The following ADAMTS9 variants were observed in gnomAD, a reference collection of about 807,000 sequenced individuals.
The protein encoded by ADAMTS9 is A disintegrin and metalloproteinase with thrombospondin motifs 9.
In ADAMTS9, 107 loss-of-function variants were observed where a neutral mutation model predicts 257.1. The ratio of observed to expected loss-of-function variants is 0.42; its 90% CI spans 0.36 to 0.49. The LOEUF is 0.49. ADAMTS9 is among the 20% of genes least tolerant of loss of function. ADAMTS9 has a pLI of 0.03. For synonymous variants in ADAMTS9, 982 were observed against 880.9 expected (o/e 1.11, Z -2.03); for missense variants, 2,353 against 2,469.1 (o/e 0.95, Z 1.00).
At chr3:64,582,178 C>A (rs1433210153) in intron 28 of ADAMTS9, among the ~76,000 whole-genome samples, 1 of 152,020 alleles carries the variant, frequency 6.6e-6, no homozygotes, top group Non-Finnish European at 1.5e-5. Context: ...GCTAGAGGAG[C>A]AAAGATTTGC....
chr3:64,660,125 C>T (rs1211935942), intron 3 of ADAMTS9, among the ~76,000 whole-genome samples: 1 of 152,166 alleles, frequency 6.6e-6, no homozygotes, highest in African/African-American at 2.4e-5. Context: ...ACTTGACAAT[C>T]AGATCATAAA....
At position 64,543,602 on chromosome 3, in the gene ADAMTS9, T is replaced by C. The variant is rs534861855; in HGVS notation, c.5065-1632A>G. 7.2e-5 allele frequency among the ~76,000 whole-genome samples: 11 copies of C among 152,320 alleles called. No individual in the cohort carries two copies. In the East Asian group the frequency reaches 1.7e-3, roughly 24 times the overall value. On this transcript the variant is annotated intron_variant, in intron 32 of 39. Transcript: ENST00000498707. ...CTAAAAACTCTCAATAAATTAGGTATTGATGGGACATATCTCAAAATAATA... is the reference window on the plus strand; with the variant it reads ...CTAAAAACTCTCAATAAATTAGGTACTGATGGGACATATCTCAAAATAATA...
At chr3:64,636,659 A>G (rs145913258) in intron 12 of ADAMTS9, among the ~76,000 whole-genome samples, 114 of 152,326 alleles carry the variant, frequency 7.5e-4, no homozygotes, top group African/African-American at 2.6e-3. Flanking sequence ...TTTAAATTTT[A>G]AAGTAATTGA....
At chr3:64,663,975 C>T (rs994920110) in intron 3 of ADAMTS9, among the ~76,000 whole-genome samples, 2 of 152,152 alleles carry the variant, frequency 1.3e-5, no homozygotes, top group South Asian at 4.1e-4. Context: ...CCACTCAACT[C>T]TGTTGCTTCT....
chr3:64,665,890 A>G (rs1442480959), intron 3 of ADAMTS9, among the ~76,000 whole-genome samples: 1 of 152,212 alleles, frequency 6.6e-6, no homozygotes, highest in East Asian at 1.9e-4. Flanking sequence ...GGCTATTTTG[A>G]GAATTAAATA....
At chr3:64,619,574 G>A (rs973735299) in intron 19 of ADAMTS9, among the ~76,000 whole-genome samples, 1 of 152,040 alleles carries the variant, frequency 6.6e-6, no homozygotes, top group African/African-American at 2.4e-5. Context: ...AATGTTGTTT[G>A]AAGAATTAGT....
chr3:64,655,939 G>C, intron 4 of ADAMTS9, 64 bp from the exon 5 acceptor site: 7 of 1,030,320 alleles, frequency 6.8e-6, no homozygotes, highest in Non-Finnish European at 9.9e-6. Context: ...AGCAAGTCAC[G>C]TCTTACGTTG....
intron 28 of ADAMTS9, among the ~76,000 whole-genome samples, chr3:64,590,611 T>C (rs1254141864): frequency 6.6e-6 from 1 of 152,154 alleles, no homozygotes. Context: ...AGTGAGGTTA[T>C]AAAATACTGG....
At chr3:64,539,631 G>A (rs978953008) in intron 36 of ADAMTS9, among the ~76,000 whole-genome samples, 11 of 152,256 alleles carry the variant, frequency 7.2e-5, no homozygotes, top group Admixed American at 4.6e-4. Context: ...TAAATGTAGC[G>A]TAATTGGCTG....
intron 30 of ADAMTS9, among the ~76,000 whole-genome samples, chr3:64,556,984 T>C (rs1298270129): frequency 1.3e-5 from 2 of 152,124 alleles, no homozygotes; most frequent in Admixed American, 1.3e-4. Context: ...ACTGATAACA[T>C]AGATGAGAAA....
intron 16 of ADAMTS9, among the ~76,000 whole-genome samples, chr3:64,628,624 A>G (rs1700288584): frequency 6.6e-6 from 1 of 152,214 alleles, no homozygotes; most frequent in Non-Finnish European, 1.5e-5. Context: ...AACTTTGTTA[A>G]TTGTCTTATA....
At chr3:64,629,312 C>T (rs1483851170) in intron 16 of ADAMTS9, among the ~76,000 whole-genome samples, 1 of 152,144 alleles carries the variant, frequency 6.6e-6, no homozygotes, top group African/African-American at 2.4e-5. Context: ...GACGTCATTC[C>T]TCAGCTCAAA....
intron 8 of ADAMTS9, among the ~76,000 whole-genome samples, chr3:64,652,336 C>G (rs1700951416): frequency 6.6e-6 from 1 of 152,148 alleles, no homozygotes; most frequent in African/African-American, 2.4e-5. Flanking sequence ...GACAGAAAAA[C>G]TCGATCTTAG....
intron 22 of ADAMTS9, among the ~76,000 whole-genome samples, chr3:64,610,769 T>C (rs1188061880): frequency 6.6e-6 from 1 of 152,090 alleles, no homozygotes; most frequent in East Asian, 1.9e-4. Flanking sequence ...TAGAACATCA[T>C]TTGGTAGTTA....
At chr3:64,685,567 G>T (rs761195270) in intron 2 of ADAMTS9, among the ~76,000 whole-genome samples, 20 of 152,194 alleles carry the variant, frequency 1.3e-4, no homozygotes, top group Non-Finnish European at 2.6e-4. Flanking sequence ...GTACCGCAGC[G>T]ACTCCTCAAA....
chr3:64,634,577 C>T (rs1313763226), intron 12 of ADAMTS9, among the ~76,000 whole-genome samples: 1 of 152,214 alleles, frequency 6.6e-6, no homozygotes, highest in East Asian at 1.9e-4. Context: ...TTAATCTCCG[C>T]ATGCAACCCT....
At chr3:64,561,490 T>G (rs1222139215) in intron 30 of ADAMTS9, 88 bp downstream of exon 30, 24 of 1,428,976 alleles carry the variant, frequency 1.7e-5, no homozygotes, top group Admixed American at 2.2e-5. Flanking sequence ...CTCGGTGACT[T>G]CTCTGGCTTT....
chr3:64,554,271 G>T (rs971286074), intron 30 of ADAMTS9, among the ~76,000 whole-genome samples: 1 of 152,212 alleles, frequency 6.6e-6, no homozygotes, highest in Non-Finnish European at 1.5e-5. Context: ...GCGGTGGAAA[G>T]GGGAGCTGGA....
At chr3:64,562,455 A>G (rs897538089) in intron 29 of ADAMTS9, among the ~76,000 whole-genome samples, 2 of 152,198 alleles carry the variant, frequency 1.3e-5, no homozygotes, top group Non-Finnish European at 2.9e-5. Context: ...AACTTGCAAA[A>G]CACCATATTA....
Sources: gnomAD v4.1 joint callset for allele counts (sites outside exome capture counted in the v4.1 genomes callset) on GRCh38, gnomAD v4.1.1 for gene constraint, MANE v1.5 for transcripts, NCBI Gene and HGNC (gene_info 2026-07-23, HGNC 2026-07-21) for gene names.